CDH13: variants seen among roughly 807,000 people sequenced by gnomAD.
CDH13 encodes cadherin 13.
Under a neutral mutation model 63.8 loss-of-function variants are expected in CDH13, and 24 were observed. The observed-to-expected ratio is 0.38, with a 90% CI of 0.27 to 0.53. CDH13 has a LOEUF of 0.53. Ranked by LOEUF, CDH13 falls within the 20% of genes least tolerant of loss-of-function variation. The pLI is 0.85. For missense variants in CDH13, 1,049 were observed against 903.1 expected (o/e 1.16, Z -2.07); for synonymous variants, 503 against 355.3 (o/e 1.42, Z -4.67).
At chr16:83,077,264 C>G (rs959972724) in intron 3 of CDH13, among the ~76,000 whole-genome samples, 1 of 124,000 alleles carries the variant, frequency 8.1e-6, no homozygotes, top group Non-Finnish European at 1.6e-5. Context: ...GCAGTCTTGG[C>G]TCACTGGACC....
At chr16:83,057,270 G>GT (rs1313033497) in intron 3 of CDH13, among the ~76,000 whole-genome samples, 1 of 152,130 alleles carries the variant, frequency 6.6e-6, no homozygotes, top group Admixed American at 6.6e-5. Context: ...CCAGTCTCAG[G>GT]TATGTCTTTA....
At chr16:82,860,919 C>G (rs1455694243) in intron 2 of CDH13, among the ~76,000 whole-genome samples, 1 of 152,180 alleles carries the variant, frequency 6.6e-6, no homozygotes, top group Non-Finnish European at 1.5e-5. Flanking sequence ...CAGTCTCACT[C>G]TCCCCTCTCT....
At chr16:83,569,865 T>G (rs1822428754) in intron 7 of CDH13, among the ~76,000 whole-genome samples, 1 of 152,128 alleles carries the variant, frequency 6.6e-6, no homozygotes, top group Non-Finnish European at 1.5e-5. Flanking sequence ...GCCTTCCGAG[T>G]AGCTGGGACT....
At chr16:82,723,563 G>C (rs1382793546) in intron 1 of CDH13, among the ~76,000 whole-genome samples, 1 of 152,134 alleles carries the variant, frequency 6.6e-6, no homozygotes, top group Non-Finnish European at 1.5e-5. Context: ...TGGAAGAAGA[G>C]GATCTGGTGG....
chr16:82,996,594 T>G (rs1420372451), intron 2 of CDH13, among the ~76,000 whole-genome samples: 1 of 152,214 alleles, frequency 6.6e-6, no homozygotes, highest in Non-Finnish European at 1.5e-5. Flanking sequence ...AAAACGACCT[T>G]GTTTAAGTTT....
At chr16:82,693,686 A>G (rs1427448712) in intron 1 of CDH13, among the ~76,000 whole-genome samples, 1 of 152,236 alleles carries the variant, frequency 6.6e-6, no homozygotes, top group Admixed American at 6.5e-5. Context: ...GCACCCTGCC[A>G]CATGTTAAAA....
intron 4 of CDH13, among the ~76,000 whole-genome samples, chr16:83,144,396 TAAAA>T (rs1172451425): frequency 6.6e-6 from 1 of 152,168 alleles, no homozygotes; most frequent in Non-Finnish European, 1.5e-5. Flanking sequence ...TTTTAAAAAA[TAAAA>T]ATAAATAAGA....
intron 5 of CDH13, among the ~76,000 whole-genome samples, chr16:83,313,641 T>G (rs1346027854): frequency 7.7e-6 from 1 of 130,664 alleles, no homozygotes. Flanking sequence ...CCCTTACCAT[T>G]GTAAAAAAAA....
chr16:83,221,661 G>T (rs530707773), intron 5 of CDH13, among the ~76,000 whole-genome samples: 9 of 146,238 alleles, frequency 6.2e-5, no homozygotes, highest in South Asian at 2.1e-4. Flanking sequence ...GGAAGACGGT[G>T]GGGGGGCGGT....
At chr16:83,593,084 A>T (rs1460082755) in intron 7 of CDH13, among the ~76,000 whole-genome samples, 1 of 152,198 alleles carries the variant, frequency 6.6e-6, no homozygotes, top group African/African-American at 2.4e-5. Flanking sequence ...TGTTTTCACC[A>T]ATCTTTTGCA....
chr16:83,304,461 C>T (rs1446820280), intron 5 of CDH13, among the ~76,000 whole-genome samples: 1 of 152,042 alleles, frequency 6.6e-6, no homozygotes. Flanking sequence ...GATTTTCAAG[C>T]TTCCCTAGAA....
At position 82,880,681 on chromosome 16, in the gene CDH13, C is replaced by G. The variant is rs534354212; in HGVS notation, c.157+22208C>G. 7.2e-5 allele frequency among the ~76,000 whole-genome samples: 11 copies of G among 152,244 alleles called. No individual in the cohort carries two copies. In the East Asian group the frequency reaches 7.7e-4, roughly 11 times the overall value. ...CTATGCTTACTGTAGTGAAAAACAT[C>G]TTATAATTATAAATTAATACCCTTT... On this transcript the variant is annotated intron_variant, in intron 2 of 13. Coordinates refer to ENST00000567109, the MANE Select transcript of CDH13 (RefSeq NM_001257.5).
At chr16:83,052,878 A>G (rs918684586) in intron 3 of CDH13, among the ~76,000 whole-genome samples, 1 of 152,034 alleles carries the variant, frequency 6.6e-6, no homozygotes, top group Non-Finnish European at 1.5e-5. Flanking sequence ...AAGCTATTTT[A>G]TAAAGCGGTG....
intron 3 of CDH13, among the ~76,000 whole-genome samples, chr16:83,111,232 G>A (rs1356718252): frequency 6.6e-6 from 1 of 151,944 alleles, no homozygotes; most frequent in East Asian, 1.9e-4. Context: ...TGTGCTTATG[G>A]TCTTGGGAGG....
intron 10 of CDH13, among the ~76,000 whole-genome samples, chr16:83,698,203 G>T (rs1905679057): frequency 6.6e-6 from 1 of 152,242 alleles, no homozygotes; most frequent in African/African-American, 2.4e-5. Context: ...AGTGTGTCCT[G>T]TTCAGGAGTT....
Position 83,014,886 on chromosome 16 carries a change from GTATA to G in CDH13, c.158-17116_158-17113del, listed in dbSNP as rs531930602. On this transcript the variant is annotated intron_variant, in intron 2 of 13. Transcript: ENST00000567109. ...TATATATGTATATATATATGTTTGT[GTATA>G]TATATATGTATATTTACATTTACTA... Among the ~76,000 whole-genome samples the G allele has an allele frequency of 5.3e-5, 7 of 133,144 alleles. No homozygotes were observed. The South Asian group carries it at 1.6e-3, about 31-fold the overall frequency. 87.3% of individuals were successfully genotyped at this position (133,144 alleles called of 152,430 possible).
chr16:83,470,935 G>A, intron 6 of CDH13, among the ~76,000 whole-genome samples: 1 of 152,156 alleles, frequency 6.6e-6, no homozygotes, highest in Non-Finnish European at 1.5e-5. Context: ...GAGGCTCCAG[G>A]GGAGAATCCA....
At chr16:83,284,224 G>A (rs2089254121) in intron 5 of CDH13, among the ~76,000 whole-genome samples, 1 of 152,096 alleles carries the variant, frequency 6.6e-6, no homozygotes, top group South Asian at 2.1e-4. Context: ...CTTCTCACTT[G>A]GATTTTCAAT....
At chr16:83,183,665 A>T (rs1234585737) in intron 4 of CDH13, among the ~76,000 whole-genome samples, 1 of 152,190 alleles carries the variant, frequency 6.6e-6, no homozygotes, top group Admixed American at 6.5e-5. Context: ...CTCTGGATCC[A>T]GTGTCCCTCC....
Sources: allele counts gnomAD v4.1 joint callset (sites outside exome capture counted in the v4.1 genomes callset), GRCh38; gene constraint gnomAD v4.1.1; transcripts MANE v1.5; gene names NCBI Gene and HGNC (gene_info 2026-07-23, HGNC 2026-07-21).